DNAH14: variants seen among roughly 807,000 people sequenced by gnomAD.
DNAH14 encodes dynein axonemal heavy chain 14, also known as axonemal beta dynein heavy chain 14.
DNAH14 carries 478 observed loss-of-function variants against 520.9 expected under a neutral mutation model. That is an observed-to-expected ratio of 0.92 (90% CI 0.85 to 0.99). DNAH14 has a LOEUF of 0.99. Ranked by LOEUF, DNAH14 falls within the 50% of genes least tolerant of loss-of-function variation. DNAH14 has a pLI of 0.00. For synonymous variants in DNAH14, 1,581 were observed against 1,757.2 expected (o/e 0.90, Z 2.51); for missense variants, 4,831 against 5,234.5 (o/e 0.92, Z 2.38).
At chr1:225,172,052 G>A (rs1045020137) in intron 36 of DNAH14, among the ~76,000 whole-genome samples, 1 of 152,142 alleles carries the variant, frequency 6.6e-6, no homozygotes, top group East Asian at 1.9e-4. Flanking sequence ...AAAGGCCTTT[G>A]ACAAAATTCA....
chr1:225,254,813 A>G (rs911173067), intron 44 of DNAH14, among the ~76,000 whole-genome samples: 8 of 152,350 alleles, frequency 5.3e-5, no homozygotes, highest in African/African-American at 1.4e-4. Flanking sequence ...GATGCTGTCT[A>G]CTAGGTAGCA....
intron 42 of DNAH14, among the ~76,000 whole-genome samples, chr1:225,234,279 C>G (rs2091382991): frequency 6.6e-6 from 1 of 152,032 alleles, no homozygotes; most frequent in Non-Finnish European, 1.5e-5. Flanking sequence ...AGCTCCACCT[C>G]CCAGGTTCAC....
intron 37 of DNAH14, 103 bp from the exon 38 acceptor site, chr1:225,192,593 T>C (rs2085592181): frequency 4.2e-6 from 3 of 714,328 alleles, no homozygotes; most frequent in Non-Finnish European, 6.6e-6. Context: ...CTTTTTTTGG[T>C]GTGAAAGGTT....
intron 54 of DNAH14, among the ~76,000 whole-genome samples, chr1:225,288,631 A>C (rs1449221066): frequency 6.6e-6 from 1 of 152,156 alleles, no homozygotes; most frequent in Non-Finnish European, 1.5e-5. Context: ...TTCTAAAATA[A>C]GTTTATTTTT....
At chr1:225,335,972 T>TATATATAC (rs2095029903) in intron 66 of DNAH14, among the ~76,000 whole-genome samples, 3 of 145,974 alleles carry the variant, frequency 2.1e-5, no homozygotes, top group African/African-American at 7.5e-5. Flanking sequence ...TACATATATG[T>TATATATAC]ACATATGTGT....
intron 41 of DNAH14, among the ~76,000 whole-genome samples, 194 bp downstream of exon 41, chr1:225,207,414 T>C (rs2087725480): frequency 6.6e-6 from 1 of 152,192 alleles, no homozygotes; most frequent in Admixed American, 6.5e-5. Flanking sequence ...ATTAGTATCA[T>C]ACAAGTGTTG....
chr1:225,214,927 A>G (rs1275865054), intron 41 of DNAH14, among the ~76,000 whole-genome samples: 1 of 151,954 alleles, frequency 6.6e-6, no homozygotes, highest in Non-Finnish European at 1.5e-5. Flanking sequence ...CTCTGATCTT[A>G]GTTATTTCTT....
At chr1:225,105,621 A>G (rs1490366278) in intron 23 of DNAH14, among the ~76,000 whole-genome samples, 1 of 152,076 alleles carries the variant, frequency 6.6e-6, no homozygotes, top group Non-Finnish European at 1.5e-5. Flanking sequence ...TGTTGAATTG[A>G]TCCTTTTACC....
intron 61 of DNAH14, among the ~76,000 whole-genome samples, chr1:225,321,147 T>C (rs1032937658): frequency 1.3e-5 from 2 of 152,312 alleles, no homozygotes; most frequent in Non-Finnish European, 2.9e-5. Flanking sequence ...AAAGTGCTAA[T>C]GATTGAGCTA....
At chr1:225,376,009 AC>A (rs1327174946) in intron 78 of DNAH14, among the ~76,000 whole-genome samples, 2 of 151,988 alleles carry the variant, frequency 1.3e-5, no homozygotes, top group African/African-American at 4.8e-5. Flanking sequence ...AATCACCCGA[AC>A]CCAGGAGGTG....
intron 61 of DNAH14, among the ~76,000 whole-genome samples, chr1:225,320,168 C>A (rs182134195): frequency 6.6e-6 from 1 of 152,288 alleles, no homozygotes; most frequent in East Asian, 1.9e-4. Context: ...TGATACCAAG[C>A]TTCCTGGCTG....
intron 44 of DNAH14, among the ~76,000 whole-genome samples, chr1:225,257,245 T>C (rs2149740783): frequency 6.6e-6 from 1 of 152,320 alleles, no homozygotes; most frequent in Non-Finnish European, 1.5e-5. Flanking sequence ...AATGCATGAA[T>C]TTCTGTTGAG....
intron 60 of DNAH14, among the ~76,000 whole-genome samples, chr1:225,309,279 G>C (rs763133948): frequency 6.6e-6 from 1 of 152,124 alleles, no homozygotes; most frequent in Non-Finnish European, 1.5e-5. Context: ...CCTTTTGCTT[G>C]TTATTCACTT....
At chr1:225,384,526 T>TA (rs1425082007) in intron 81 of DNAH14, among the ~76,000 whole-genome samples, 1 of 151,852 alleles carries the variant, frequency 6.6e-6, no homozygotes, top group Non-Finnish European at 1.5e-5. Context: ...ATAGATGCAA[T>TA]AAAAAATGAT....
chr1:224,930,853 G>C (rs887885360), intron 1 of DNAH14, among the ~76,000 whole-genome samples: 1 of 152,148 alleles, frequency 6.6e-6, no homozygotes, highest in South Asian at 2.1e-4. Context: ...CCACCTCGGA[G>C]TCCCAAAGTG....
chr1:225,160,329 T>G, intron 35 of DNAH14, among the ~76,000 whole-genome samples: 1 of 152,302 alleles, frequency 6.6e-6, no homozygotes, highest in East Asian at 1.9e-4. Context: ...CTTTTAAAAT[T>G]TATTTAGAAA....
chr1:224,954,583 A>G (rs1474648708), intron 2 of DNAH14: 2 of 155,330 alleles, frequency 1.3e-5, no homozygotes, highest in Non-Finnish European at 2.8e-5. Flanking sequence ...TTGGGTAACA[A>G]TTCTTCATCT....
chr1:225,199,526 A>G (rs1004473887), intron 38 of DNAH14, among the ~76,000 whole-genome samples: 5 of 152,082 alleles, frequency 3.3e-5, no homozygotes, highest in Admixed American at 1.3e-4. Context: ...AGAGGTTTCA[A>G]TAGGTTGTGT....
At chr1:225,186,221 AT>A (rs1227376086) in intron 37 of DNAH14, among the ~76,000 whole-genome samples, 1 of 151,328 alleles carries the variant, frequency 6.6e-6, no homozygotes. Flanking sequence ...GGTTATGTGG[AT>A]TTTTTTTCTG....
Sources: gnomAD v4.1 joint callset for allele counts (sites outside exome capture counted in the v4.1 genomes callset) on GRCh38, gnomAD v4.1.1 for gene constraint, MANE v1.5 for transcripts, NCBI Gene and HGNC (gene_info 2026-07-23, HGNC 2026-07-21) for gene names.